CFAP46: variants seen among roughly 807,000 people sequenced by gnomAD.
CFAP46 encodes the protein cilia- and flagella-associated protein 46.
Under a neutral mutation model 325.7 loss-of-function variants are expected in CFAP46, and 245 were observed. The ratio of observed to expected loss-of-function variants is 0.75; its 90% CI spans 0.68 to 0.84. CFAP46 has a LOEUF of 0.84. Among genes scored for constraint, CFAP46 ranks in the 40% least tolerant of loss-of-function variants. CFAP46 has a pLI of 0.00. For missense variants in CFAP46, 3,346 were observed against 3,543.0 expected (o/e 0.94, Z 1.41); for synonymous variants, 1,523 against 1,495.9 (o/e 1.02, Z -0.42).
intron 50 of CFAP46, among the ~76,000 whole-genome samples, chr10:132,829,493 T>C (rs1848114369): frequency 6.6e-6 from 1 of 152,108 alleles, no homozygotes. Context: ...TGAGACCACC[T>C]GCAGAGAAAG....
intron 47 of CFAP46, 45 bp from the exon 48 acceptor site, chr10:132,834,820 T>G (rs1466384400): frequency 1.3e-6 from 2 of 1,595,634 alleles, no homozygotes; most frequent in Non-Finnish European, 8.5e-7. Flanking sequence ...ACAGGGCGCA[T>G]GGCCCAGACC....
intron 7 of CFAP46, 23 bp downstream of exon 7, chr10:132,936,938 C>A: frequency 7.1e-7 from 1 of 1,415,396 alleles, no homozygotes; most frequent in Non-Finnish European, 9.6e-7. Context: ...TCAGTATTTG[C>A]TCTCCCTCCC....
At chr10:132,879,691 GC>G (rs1292773658) in intron 28 of CFAP46, 60 bp from the exon 29 acceptor site, 21 of 1,423,678 alleles carry the variant, frequency 1.5e-5, no homozygotes, top group Non-Finnish European at 1.8e-5. Flanking sequence ...TGGGCCCCAG[GC>G]CACTCCCTTC....
At position 132,872,659 on chromosome 10, in the gene CFAP46, A is replaced by G. The variant is rs140706661; in HGVS notation, c.4511+17T>C. 0.012 allele frequency: 18,922 copies of G among 1,550,530 alleles called. 246 individuals carry two copies. The highest frequency in any genetic ancestry group is 0.058 in the Middle Eastern group (349 of 5,992). On this transcript the variant is annotated intron_variant, in intron 32 of 57. Coordinates refer to ENST00000368586, the MANE Select transcript of CFAP46 (RefSeq NM_001200049.3). ...TGCTTTGGGGAAATCACACTCCGAA[A>G]AAGGAGCTGTACCCACCGAAGGTGG...
In CFAP46 at chr10:132,914,065, G is replaced by A. The variant is rs546542707; in HGVS notation, c.2121-807C>T. On this transcript the variant is annotated intron_variant, in intron 17 of 57. Transcript: ENST00000368586. Reference sequence around the variant, plus strand: ...GTCCAGCCACACTGCACCCCGGCCCGAGGCTGTGTCCAGCCACACTGCACC... The same window carrying A: ...GTCCAGCCACACTGCACCCCGGCCCAAGGCTGTGTCCAGCCACACTGCACC... Among the ~76,000 whole-genome samples, 3 of 146,012 alleles carry A rather than the reference G, an allele frequency of 2.1e-5. No individual in the cohort carries two copies. The East Asian group carries it at 6.2e-4, about 30-fold the overall frequency.
chr10:132,924,047 G>A (rs947856304), intron 11 of CFAP46, among the ~76,000 whole-genome samples: 11 of 152,126 alleles, frequency 7.2e-5, no homozygotes, highest in East Asian at 1.9e-4. Flanking sequence ...TGACGGCAAC[G>A]AAGAGGCTGA....
At chr10:132,897,834 A>T (rs562781478) in intron 24 of CFAP46, among the ~76,000 whole-genome samples, 1 of 152,346 alleles carries the variant, frequency 6.6e-6, no homozygotes, top group African/African-American at 2.4e-5. Context: ...GGAGGCCAGC[A>T]TGGGGAGAGA....
At chr10:132,820,098 AAAG>A (rs1847765093) in intron 50 of CFAP46, among the ~76,000 whole-genome samples, 1 of 152,244 alleles carries the variant, frequency 6.6e-6, no homozygotes, top group Admixed American at 6.5e-5. Context: ...ACATTTCTCT[AAAG>A]AAGACATAAA....
intron 54 of CFAP46, 81 bp from the exon 55 acceptor site, chr10:132,812,978 A>G (rs1224931533): frequency 9.2e-7 from 1 of 1,090,146 alleles, no homozygotes; most frequent in African/African-American, 1.6e-5. Flanking sequence ...AGCAGGCCAC[A>G]TCCTGCGTGG....
chr10:132,879,047 C>T (rs972379545), intron 29 of CFAP46, among the ~76,000 whole-genome samples: 5 of 152,190 alleles, frequency 3.3e-5, no homozygotes, highest in Non-Finnish European at 5.9e-5. Flanking sequence ...AGGCGCCTGC[C>T]GCTGCCTTGG....
At chr10:132,812,556 C>T (rs1167222502) in intron 55 of CFAP46, among the ~76,000 whole-genome samples, 2 of 152,148 alleles carry the variant, frequency 1.3e-5, no homozygotes, top group African/African-American at 2.4e-5. Context: ...GGGCCAGAAG[C>T]CCCTGTGGCT....
chr10:132,859,854 T>C (rs1442640666), intron 37 of CFAP46, among the ~76,000 whole-genome samples: 1 of 152,152 alleles, frequency 6.6e-6, no homozygotes, highest in African/African-American at 2.4e-5. Flanking sequence ...AGAGACGGCG[T>C]TGCCATCCTG....
chr10:132,898,054 C>G (rs570763253), intron 24 of CFAP46, among the ~76,000 whole-genome samples: 1 of 152,314 alleles, frequency 6.6e-6, no homozygotes, highest in Admixed American at 6.5e-5. Flanking sequence ...TAGAAGGGCC[C>G]CGTTTTGTGG....
rs184364192 is a variant in CFAP46 at position 132,892,869 on chromosome 10, T to G, written c.3220-452A>C. The stretch of plus-strand genomic sequence containing the variant: ...TCATTTTGTTATAGTAGGTAGCTAG[T>G]CAAACATGAGTGGGGCAGGAGAGGC... On this transcript the variant is annotated intron_variant, in intron 24 of 57. Coordinates refer to ENST00000368586, the MANE Select transcript of CFAP46 (RefSeq NM_001200049.3). Among the ~76,000 whole-genome samples, 221 of 152,198 alleles carry G rather than the reference T, an allele frequency of 1.5e-3. 3 individuals are homozygous for G. The highest frequency in any genetic ancestry group is 4.9e-3 in the African/African-American group (202 of 41,508).
chr10:132,851,394 G>GT lies in CFAP46; in HGVS notation c.5575-90dup. On this transcript the variant is annotated intron_variant, in intron 39 of 57. Transcript: ENST00000368586. ...ACAACTTGGATGAGGCATAACCGAC[G>GT]TAAGAAACTCATAACAAACTGCGCA... The GT allele has an allele frequency of 4.7e-6, 6 of 1,276,996 alleles. No homozygotes were observed. The South Asian group carries it at 7.0e-5, about 15-fold the overall frequency. The allele number at this position is 1,276,996 out of a possible 1,614,324, so 79.1% of individuals were successfully genotyped here.
rs1294763112 is a variant in CFAP46, at chr10:132,866,154, C to A, written c.4761G>T (p.Gly1587=). 6.5e-7 allele frequency: 1 copy of A among 1,530,164 alleles called. No individual in the cohort carries two copies. 94.8% of individuals were successfully genotyped at this position (1,530,164 alleles called of 1,614,324 possible). ...TCCCATCCAGGTCCCTCCCGGTCTC[C>A]CCATTCATCTTCAAAATCTGTAAGA... ...DAKDKILKMN[G]ETGRDLDGTS... is the part of the protein sequence containing the mutation. The change falls in exon 35 of 58, where the codon GGG becomes GGT. Residue 1587 remains glycine, a synonymous_variant. Coordinates refer to ENST00000368586, the MANE Select transcript of CFAP46 (RefSeq NM_001200049.3).
chr10:132,837,226 A>G (rs1848266696), intron 44 of CFAP46: 1 of 396,562 alleles, frequency 2.5e-6, no homozygotes, highest in Non-Finnish European at 4.6e-6. Flanking sequence ...ACAAATGGAA[A>G]ATTCTCCAGC....
Position 132,835,358 on chromosome 10 carries a change from C to T in CFAP46, c.6690G>A (p.Arg2230=), listed in dbSNP as rs772485012. The change falls in exon 47 of 58, where the codon CGG becomes CGA. Residue 2230 remains arginine (R), a synonymous_variant. Coordinates refer to ENST00000368586, the MANE Select transcript of CFAP46 (RefSeq NM_001200049.3). ...TGTACACCTGGGCCTGGGTCTGCTT[C>T]CGGAACTGCTGGGCACAGGCCAGCA... ...SHLLACAQQF[R]KQTQAQVYSE... The T allele has an allele frequency of 6.2e-7, 1 of 1,613,560 alleles. No individual in the cohort carries two copies. Among genetic ancestry groups the T allele is most frequent in the South Asian group, 1.1e-5 (1 of 91,092 alleles).
At chr10:132,905,015 C>A (rs1321620548) in intron 22 of CFAP46, among the ~76,000 whole-genome samples, 1 of 152,224 alleles carries the variant, frequency 6.6e-6, no homozygotes, top group Non-Finnish European at 1.5e-5. Context: ...CCCACTGTGA[C>A]CCTGGTGACT....
Sources: gnomAD v4.1 joint callset for allele counts (sites outside exome capture counted in the v4.1 genomes callset) on GRCh38, gnomAD v4.1.1 for gene constraint, MANE v1.5 for transcripts, NCBI Gene and HGNC (gene_info 2026-07-23, HGNC 2026-07-21) for gene names.